NBAS: variants seen among roughly 807,000 people sequenced by gnomAD.
NBAS encodes NAG/BC035112 fusion.
NBAS carries 219 observed loss-of-function variants against 302.5 expected under a neutral mutation model. That is an observed-to-expected ratio of 0.72 (90% CI 0.65 to 0.81). NBAS has a LOEUF of 0.81. Ranked by LOEUF, NBAS falls within the 30% of genes least tolerant of loss-of-function variation. NBAS has a pLI of 0.00. For synonymous variants in NBAS, 1,118 were observed against 1,021.6 expected, an observed-to-expected ratio of 1.09 and a Z score of -1.80; for missense variants, 2,932 against 2,841.6, an observed-to-expected ratio of 1.03 and a Z score of -0.72.
chr2:14,807,502 G>T, the NBAS span, among the ~76,000 whole-genome samples: 1 of 151,450 alleles, frequency 6.6e-6, no homozygotes, highest in Admixed American at 6.6e-5. Context: ...GGTGAATATT[G>T]CAGGTCCCCT....
At chr2:15,142,468 G>A in the NBAS span, among the ~76,000 whole-genome samples, 460 of 152,320 alleles carry the variant, frequency 3.0e-3, 3 homozygotes, top group African/African-American at 0.011. Flanking sequence ...CTGCCACAAA[G>A]GGACAATTTA....
intron 36 of NBAS, among the ~76,000 whole-genome samples, chr2:15,328,977 T>A (rs1008288381): frequency 1.2e-4 from 19 of 152,332 alleles, no homozygotes; most frequent in African/African-American, 4.6e-4. Flanking sequence ...AGATGATATA[T>A]GACTGTGTCC....
intron 38 of NBAS, among the ~76,000 whole-genome samples, chr2:15,313,488 C>G (rs1401751623): frequency 6.6e-6 from 1 of 152,162 alleles, no homozygotes; most frequent in African/African-American, 2.4e-5. Context: ...AAAATAAAAT[C>G]GATGTCTTTC....
At chr2:15,276,433 A>G (rs1002694445) in intron 43 of NBAS, among the ~76,000 whole-genome samples, 1 of 152,216 alleles carries the variant, frequency 6.6e-6, no homozygotes, top group African/African-American at 2.4e-5. Context: ...AATTTATCAA[A>G]TATTCAAAGG....
chr2:15,379,854 A>G, intron 29 of NBAS, 23 bp from the exon 30 acceptor site: 2 of 1,599,404 alleles, frequency 1.3e-6, no homozygotes, highest in Non-Finnish European at 1.7e-6. Flanking sequence ...AGAAACTGGA[A>G]TTAGTTATAG....
chr2:15,335,880 T>C (rs1302222783), intron 35 of NBAS, among the ~76,000 whole-genome samples: 1 of 152,160 alleles, frequency 6.6e-6, no homozygotes, highest in African/African-American at 2.4e-5. Flanking sequence ...TTTTGTATCA[T>C]ATTTAAGAGA....
chr2:15,213,164 G>T (rs1255479501), intron 48 of NBAS, among the ~76,000 whole-genome samples: 1 of 152,178 alleles, frequency 6.6e-6, no homozygotes, highest in African/African-American at 2.4e-5. Context: ...AGCTCACAGA[G>T]CTAGGGACTG....
the NBAS span, among the ~76,000 whole-genome samples, chr2:15,159,468 T>C: frequency 1.3e-5 from 2 of 152,074 alleles, no homozygotes; most frequent in Non-Finnish European, 2.9e-5. Flanking sequence ...CGTTACAACA[T>C]GGACGAAACT....
chr2:14,966,064 T>C, the NBAS span, among the ~76,000 whole-genome samples: 22 of 152,228 alleles, frequency 1.4e-4, no homozygotes, highest in Non-Finnish European at 2.9e-4. Flanking sequence ...GTTGGAGTAA[T>C]GCAACAACGA....
chr2:15,127,750 T>G, the NBAS span, among the ~76,000 whole-genome samples: 1 of 152,318 alleles, frequency 6.6e-6, no homozygotes, highest in South Asian at 2.1e-4. Flanking sequence ...CAGACAAAGC[T>G]GATCGTAAAT....
the NBAS span, among the ~76,000 whole-genome samples, chr2:14,955,378 C>T: frequency 6.6e-6 from 1 of 152,204 alleles, no homozygotes; most frequent in Admixed American, 6.5e-5. Context: ...GCTCATGGTG[C>T]AAGCTGTCGG....
chr2:15,556,948 G>A, intron 2 of NBAS, 129 bp from the exon 3 acceptor site: 1 of 722,642 alleles, frequency 1.4e-6, no homozygotes, highest in Non-Finnish European at 2.4e-6. Context: ...AAGAACTCAA[G>A]TCTTAAAATG....
At position 15,238,600 on chromosome 2, in the gene NBAS, T is replaced by C. The variant is rs1332351356; in HGVS notation, c.5811A>G (p.Ser1937=). 2 of 1,613,788 alleles carry C rather than the reference T, an allele frequency of 1.2e-6. No individual in the cohort carries two copies. The highest frequency in any genetic ancestry group is 1.3e-5 in the African/African-American group (1 of 74,956). ...CCTTAGCTTCTTGAGCTTCGTCTTC[T>C]GAGTTTCTTTTCCTTGGCTTCTCAA... is the stretch of plus-strand genomic sequence containing the variant. ...HFIEKPRKRN[S]EDEAQEAKDS... The change falls in exon 45 of 52, where the codon TCA becomes TCG. Residue 1937 remains serine, a synonymous_variant. Coordinates refer to ENST00000281513, the MANE Select transcript of NBAS (RefSeq NM_015909.4).
intron 9 of NBAS, among the ~76,000 whole-genome samples, chr2:15,527,295 T>G (rs1662956672): frequency 6.6e-6 from 1 of 152,248 alleles, no homozygotes; most frequent in East Asian, 1.9e-4. Context: ...CAGTACATAT[T>G]CCTTGCCTTC....
intron 44 of NBAS, among the ~76,000 whole-genome samples, chr2:15,242,078 C>A (rs1193766077): frequency 6.6e-6 from 1 of 152,214 alleles, no homozygotes; most frequent in Admixed American, 6.5e-5. Flanking sequence ...AAGTCCTCTG[C>A]TCCAACATCC....
At chr2:15,444,239 C>T (rs1678602334) in intron 21 of NBAS, among the ~76,000 whole-genome samples, 1 of 152,090 alleles carries the variant, frequency 6.6e-6, no homozygotes, top group Admixed American at 6.6e-5. Flanking sequence ...CATCATACTA[C>T]CTGACTTCAA....
the NBAS span, among the ~76,000 whole-genome samples, chr2:15,100,682 TA>T: frequency 6.6e-6 from 1 of 152,300 alleles, no homozygotes; most frequent in Non-Finnish European, 1.5e-5. Flanking sequence ...CACAAGTAGA[TA>T]TTTTTTTAAA....
the NBAS span, among the ~76,000 whole-genome samples, chr2:14,869,259 G>C: frequency 1.3e-5 from 2 of 152,136 alleles, no homozygotes; most frequent in Non-Finnish European, 2.9e-5. Flanking sequence ...GAGCTGCTCA[G>C]AAGTGTGAGA....
At chr2:15,373,216 T>G (rs986981346) in intron 31 of NBAS, among the ~76,000 whole-genome samples, 4 of 152,210 alleles carry the variant, frequency 2.6e-5, no homozygotes, top group Non-Finnish European at 4.4e-5. Context: ...AATTTTCCAG[T>G]GATTTAGCAA....
Sources: allele counts gnomAD v4.1 joint callset (sites outside exome capture counted in the v4.1 genomes callset), GRCh38; gene constraint gnomAD v4.1.1; transcripts MANE v1.5; gene names NCBI Gene and HGNC (gene_info 2026-07-23, HGNC 2026-07-21).